Variants in HSP90AB1 observed in about 807,000 individuals in gnomAD.
HSP90AB1 encodes heat shock protein 90 alpha family class B member 1.
HSP90AB1 carries 17 observed loss-of-function variants against 67.8 expected under a neutral mutation model. That is an observed-to-expected ratio of 0.25 (90% CI 0.17 to 0.38). The LOEUF (loss-of-function observed/expected upper bound fraction) is 0.38, where lower values mean the gene tolerates loss of function less well. Among genes scored for constraint, HSP90AB1 ranks in the 10% least tolerant of loss-of-function variants. The pLI, the probability that HSP90AB1 is intolerant of heterozygous loss-of-function variation, is 1.00. For missense variants in HSP90AB1, 690 were observed against 899.9 expected (o/e 0.77, Z 2.98); for synonymous variants, 390 against 312.9 (o/e 1.25, Z -2.60).
chr6:44,250,073 G>C lies in HSP90AB1; in HGVS notation c.567G>C (p.Gln189His). The C allele has an allele frequency of 6.2e-7, 1 of 1,614,154 alleles. No individual in the cohort carries two copies. The highest frequency in any genetic ancestry group is 8.5e-7 in the Non-Finnish European group (1 of 1,179,982). The change falls in exon 5 of 12, where the codon CAG becomes CAC. Residue 189 changes from glutamine (Q) to histidine (H), a missense_variant. By Grantham distance (24) the Gln-to-His change is conservative. Around this residue, in one of 7 missense-constraint regions of HSP90AB1, gnomAD observed 146 missense variants for 143.7 expected, o/e 1.02. Transcript: ENST00000371646. ...TGATCCTCCATCTTAAAGAAGATCA[G>C]ACAGAGTACCTAGAAGAGAGGCGGG... The part of the protein sequence containing the change: ...TKVILHLKED[Q>H]TEYLEERRVK...
At chr6:44,251,012 T>C in intron 6 of HSP90AB1, 36 bp from the exon 7 acceptor site, 1 of 1,601,958 alleles carries the variant, frequency 6.2e-7, no homozygotes, top group Non-Finnish European at 8.6e-7. Context: ...AAAGGTCCTC[T>C]TTTGAAATGT....
At chr6:44,248,017 T>TGAAA (rs1780159643) in intron 1 of HSP90AB1, 1 of 152,332 alleles carries the variant, frequency 6.6e-6, no homozygotes, top group Non-Finnish European at 1.5e-5. Flanking sequence ...TTTTGTGCTG[T>TGAAA]GAAAGGGTCG....
upstream of HSP90AB1, among the ~76,000 whole-genome samples, chr6:44,246,876 C>T (rs937365126): frequency 2.0e-5 from 3 of 152,216 alleles, no homozygotes; most frequent in Admixed American, 6.5e-5. Context: ...GGAGTCATGT[C>T]CTAGACGTGA....
chr6:44,253,696 G>A lies in HSP90AB1; in HGVS notation c.*98G>A. 1.1e-6 allele frequency: 1 copy of A among 884,960 alleles called. No homozygotes were observed. The highest frequency in any genetic ancestry group is 1.9e-6 in the Non-Finnish European group (1 of 513,864). The allele number at this position is 884,960 out of a possible 1,614,324, so 54.8% of individuals were successfully genotyped here. ...GCCCCTGTCCCACCTGGCTCCCCCT[G>A]CTGGTGTCTAGTGTTTTTTTCCCTC... On this transcript the variant is annotated 3_prime_UTR_variant, in exon 12 of 12. Transcript: ENST00000371646.
rs754430293 is a variant in HSP90AB1, at chr6:44,253,097, C to G, written c.1784C>G (p.Thr595Ser). 1.2e-6 allele frequency: 2 copies of G among 1,614,004 alleles called. No individual in the cohort carries two copies. The highest frequency in any genetic ancestry group is 1.1e-5 in the South Asian group (1 of 91,092). ...TCACCTTGCTGCATTGTGACCAGCA[C>G]CTACGGCTGGACAGCCAATATGGAG... ...VSSPCCIVTS[T>S]YGWTANMERI... The change falls in exon 11 of 12, where the codon ACC becomes AGC. Residue 595 changes from threonine to serine, a missense_variant. Transcript: ENST00000371646.
intron 2 of HSP90AB1, 87 bp from the exon 3 acceptor site, chr6:44,249,290 C>T (rs1780363062): frequency 2.7e-6 from 3 of 1,092,876 alleles, no homozygotes; most frequent in Non-Finnish European, 2.8e-6. Context: ...AGTGAGCTGT[C>T]ATCCTTGCCA....
Position 44,253,793 on chromosome 6 carries a change from A to G in HSP90AB1, c.*195A>G, listed in dbSNP as rs1450553964. Reference sequence around the variant, plus strand: ...TTCCCTCTCTACTCTTGACAGCAGGATTGGATGTTGTGTATTGTGGTTTAT... The same window carrying G: ...TTCCCTCTCTACTCTTGACAGCAGGGTTGGATGTTGTGTATTGTGGTTTAT... On this transcript the variant is annotated 3_prime_UTR_variant, in exon 12 of 12. Coordinates refer to ENST00000371646, the MANE Select transcript of HSP90AB1 (RefSeq NM_007355.4). 1 of 775,104 alleles carries G rather than the reference A, an allele frequency of 1.3e-6. No individual in the cohort carries two copies. The highest frequency in any genetic ancestry group is 2.4e-6 in the Non-Finnish European group (1 of 415,496). The allele number at this position is 775,104 out of a possible 1,614,324, so 48.0% of individuals were successfully genotyped here.
In HSP90AB1 at chr6:44,253,813, G is replaced by A. The variant is rs1433184371; in HGVS notation, c.*215G>A. The stretch of plus-strand genomic sequence containing the variant: ...GCAGGATTGGATGTTGTGTATTGTG[G>A]TTTATTTTATTTTCTTCATTTTGTT... On this transcript the variant is annotated 3_prime_UTR_variant, in exon 12 of 12. Coordinates refer to ENST00000371646, the MANE Select transcript of HSP90AB1 (RefSeq NM_007355.4). The A allele has an allele frequency of 6.5e-6, 5 of 765,208 alleles. No individual in the cohort carries two copies. The highest frequency in any genetic ancestry group is 1.7e-5 in the African/African-American group (1 of 58,942). The allele number at this position is 765,208 out of a possible 1,614,324, so 47.4% of individuals were successfully genotyped here.
intron 11 of HSP90AB1, 27 bp from the exon 12 acceptor site, chr6:44,253,462 G>A (rs952882678): frequency 6.2e-7 from 1 of 1,608,218 alleles, no homozygotes; most frequent in African/African-American, 1.3e-5. Context: ...ATTTGGTCAA[G>A]TCTCACATGG....
chr6:44,249,560 A>G lies in HSP90AB1; in HGVS notation c.331A>G (p.Lys111Glu). Residue 111 changes from lysine to glutamate, a missense_variant, in exon 3 of 12, where the codon AAA (lysine) becomes GAA (glutamate). Coordinates refer to ENST00000371646, the MANE Select transcript of HSP90AB1 (RefSeq NM_007355.4). ...GGGAACCATTGCCAAGTCTGGTACT[A>G]AAGCATTCATGGAGGCTCTTCAGGT... ...NLGTIAKSGT[K>E]AFMEALQAGA... 6.2e-7 allele frequency: 1 copy of G among 1,614,140 alleles called. No individual in the cohort carries two copies. Among genetic ancestry groups the G allele is most frequent in the Non-Finnish European group, 8.5e-7 (1 of 1,179,966 alleles).
chr6:44,253,710 T>A lies in HSP90AB1; in HGVS notation c.*112T>A, dbSNP rs752409983. The A allele has an allele frequency of 2.4e-6, 2 of 823,722 alleles. No homozygotes were observed. Among genetic ancestry groups the A allele is most frequent in the Non-Finnish European group, 4.4e-6 (2 of 458,272 alleles). The allele number at this position is 823,722 out of a possible 1,614,324, so 51.0% of individuals were successfully genotyped here. The stretch of plus-strand genomic sequence containing the variant: ...TGGCTCCCCCTGCTGGTGTCTAGTG[T>A]TTTTTTCCCTCTCCTGTCCTTGTGT... On this transcript the variant is annotated 3_prime_UTR_variant, in exon 12 of 12. Coordinates refer to ENST00000371646, the MANE Select transcript of HSP90AB1 (RefSeq NM_007355.4).
At chr6:44,247,098 G>T (rs957754497), upstream of HSP90AB1, 1 of 152,366 alleles carries the variant, frequency 6.6e-6, no homozygotes, top group African/African-American at 2.4e-5. Context: ...GCACGCAGTA[G>T]CTCTCTCGAG....
rs748844677 is a variant in HSP90AB1, at chr6:44,249,627, G to GT, written c.355-42dup. 6 of 1,610,918 alleles carry GT rather than the reference G, an allele frequency of 3.7e-6. No homozygotes were observed. The African/African-American group carries it at 6.7e-5, about 18-fold the overall frequency. On this transcript the variant is annotated intron_variant, in intron 3 of 11. Transcript: ENST00000371646. ...CATTCATACTTATCTGTGTTCTTTG[G>GT]TTTTTTGCTTCTTTAAAACTTGTGA...
chr6:44,250,695 C>G lies in HSP90AB1; in HGVS notation c.957+96C>G, dbSNP rs1045947050. Reference sequence around the variant, plus strand: ...GGGTAATAGACACACGGAACTTGTCCAACTGATAACAGAAATGTGATAGCC... The same window carrying G: ...GGGTAATAGACACACGGAACTTGTCGAACTGATAACAGAAATGTGATAGCC... On this transcript the variant is annotated intron_variant, in intron 6 of 11. Transcript: ENST00000371646. 3 of 712,490 alleles carry G rather than the reference C, an allele frequency of 4.2e-6. No individual in the cohort carries two copies. In the Admixed American group the frequency reaches 7.6e-5, roughly 18 times the overall value. 44.1% of individuals were successfully genotyped at this position (712,490 alleles called of 1,614,324 possible).
intron 10 of HSP90AB1, among the ~76,000 whole-genome samples, chr6:44,252,558 C>T (rs35318214): frequency 0.088 from 13,449 of 151,990 alleles, 641 homozygotes; most frequent in Non-Finnish European, 0.099. Context: ...TGCAGTGGCA[C>T]GATCTCTGCT....
intron 6 of HSP90AB1, 110 bp downstream of exon 6, chr6:44,250,709 AATGTGATAGCC>A (rs1780527633): frequency 2.9e-6 from 2 of 682,588 alleles, no homozygotes; most frequent in African/African-American, 1.8e-5. Context: ...TGATAACAGA[AATGTGATAGCC>A]ATGTGATTTC....
At chr6:44,251,658 C>T (rs760721954) in intron 8 of HSP90AB1, 50 bp downstream of exon 8, 4 of 1,587,334 alleles carry the variant, frequency 2.5e-6, no homozygotes, top group South Asian at 2.3e-5. Context: ...TTAGTAATAA[C>T]AATAAATTAT....
chr6:44,247,082 C>G (rs1779977963), upstream of HSP90AB1: 1 of 152,186 alleles, frequency 6.6e-6, no homozygotes, highest in South Asian at 2.1e-4. Flanking sequence ...TATAGGGCGA[C>G]TTGGGGCACG....
At position 44,252,174 on chromosome 6, in the gene HSP90AB1, T is replaced by C; in HGVS notation, c.1638T>C (p.Asp546=). 6.2e-7 allele frequency: 1 copy of C among 1,614,016 alleles called. No individual in the cohort carries two copies. The highest frequency in any genetic ancestry group is 8.5e-7 in the Non-Finnish European group (1 of 1,179,988). ...AGGAGGGTCTGGAGCTGCCTGAGGA[T>C]GAGGAGGAGAAGAAGAAGATGGAAG... ...VTKEGLELPE[D]EEEKKKMEES... The change falls in exon 10 of 12, where the codon GAT becomes GAC. Residue 546 remains aspartate (D), a synonymous_variant. Transcript: ENST00000371646.
Sources: allele counts gnomAD v4.1 joint callset (sites outside exome capture counted in the v4.1 genomes callset), GRCh38; gene constraint gnomAD v4.1.1; regional missense constraint gnomAD v4.1.1; transcripts MANE v1.5; gene names NCBI Gene and HGNC (gene_info 2026-07-23, HGNC 2026-07-21).